TDRD5: variants seen among roughly 807,000 people sequenced by gnomAD.
The protein encoded by TDRD5 is tudor domain containing 5.
Under a neutral mutation model 120.6 loss-of-function variants are expected in TDRD5, and 41 were observed. The observed-to-expected ratio is 0.34, with a 90% CI of 0.26 to 0.44. The LOEUF is 0.44. Among genes scored for constraint, TDRD5 ranks in the 20% least tolerant of loss-of-function variants. TDRD5 has a pLI of 1.00. For synonymous variants in TDRD5, 430 were observed against 433.7 expected (o/e 0.99, Z 0.11); for missense variants, 1,006 against 1,221.2 (o/e 0.82, Z 2.63).
intron 16 of TDRD5, 120 bp from the exon 17 acceptor site, chr1:179,669,074 T>A: frequency 1.0e-6 from 1 of 1,001,896 alleles, no homozygotes; most frequent in Non-Finnish European, 1.4e-6. Flanking sequence ...AAGTGAGTAG[T>A]TTTATTTATT....
intron 13 of TDRD5, 67 bp downstream of exon 13, chr1:179,652,264 A>G: frequency 6.8e-7 from 1 of 1,464,444 alleles, no homozygotes; most frequent in South Asian, 1.4e-5. Context: ...TTTTAGATGA[A>G]GAAACCAAGG....
At chr1:179,650,372 G>A (rs955985848) in intron 11 of TDRD5, among the ~76,000 whole-genome samples, 1 of 134,996 alleles carries the variant, frequency 7.4e-6, no homozygotes, top group Admixed American at 8.5e-5. Flanking sequence ...TTGCACTCCA[G>A]CCTGGGCAAC....
intron 16 of TDRD5, among the ~76,000 whole-genome samples, chr1:179,666,634 T>G (rs1472862293): frequency 6.6e-6 from 1 of 152,188 alleles, no homozygotes; most frequent in African/African-American, 2.4e-5. Context: ...GCCGTTTTCT[T>G]ACTCCTTCCC....
intron 17 of TDRD5, among the ~76,000 whole-genome samples, chr1:179,672,231 A>G (rs141285967): frequency 6.6e-6 from 1 of 152,294 alleles, no homozygotes; most frequent in East Asian, 1.9e-4. Context: ...ATTCTTACCA[A>G]TAGCATAAAA....
intron 4 of TDRD5, among the ~76,000 whole-genome samples, chr1:179,598,068 A>G (rs1558368427): frequency 6.6e-6 from 1 of 152,212 alleles, no homozygotes; most frequent in Non-Finnish European, 1.5e-5. Context: ...TATATAGCCT[A>G]CTACACACCT....
intron 14 of TDRD5, among the ~76,000 whole-genome samples, chr1:179,658,376 A>C (rs1679115568): frequency 6.6e-6 from 1 of 152,186 alleles, no homozygotes; most frequent in African/African-American, 2.4e-5. Context: ...TTACCTTATA[A>C]AACTATCTGG....
rs773719973 is a variant in TDRD5, at chr1:179,635,839, A to G, written c.1472A>G (p.Tyr491Cys). 2 of 1,613,878 alleles carry G rather than the reference A, an allele frequency of 1.2e-6. No homozygotes were observed. The highest frequency in any genetic ancestry group is 1.7e-6 in the Non-Finnish European group (2 of 1,180,000). The change falls in exon 9 of 18, where the codon TAT becomes TGT. Residue 491 changes from tyrosine (Y) to cysteine (C), a missense_variant. By Grantham distance (194) the Tyr-to-Cys change is radical. This residue lies in a region of TDRD5 where 158 missense variants were observed against 257.5 expected (regional missense o/e 0.61). Coordinates refer to ENST00000444136, the MANE Select transcript of TDRD5 (RefSeq NM_001199085.3). ...ISPSQFYIRI[Y>C]SRDSSELLED... The stretch of plus-strand genomic sequence containing the variant: ...CCTAGTCAATTCTACATCCGGATCT[A>G]TAGCAGGGATTCGTCAGAGTTACTC...
chr1:179,592,687 T>C lies in TDRD5; in HGVS notation c.72T>C (p.Asp24=). ...GGTCACTTCTCATTTCCACCAAAGA[T>C]GGTTTGAGCCCACAGGAGTTGGAGA... The part of the protein sequence containing the change: ...EIRSLLISTK[D]GLSPQELEKE... The change falls in exon 2 of 18, where the codon GAT becomes GAC. Residue 24 remains aspartate (D), a synonymous_variant. Transcript: ENST00000444136. 6.2e-7 allele frequency: 1 copy of C among 1,614,064 alleles called. No individual in the cohort carries two copies.
At chr1:179,673,664 T>C (rs907424495) in intron 17 of TDRD5, among the ~76,000 whole-genome samples, 1 of 152,136 alleles carries the variant, frequency 6.6e-6, no homozygotes, top group Admixed American at 6.6e-5. Context: ...TTACATTCTT[T>C]TGAGTTTCTG....
At chr1:179,650,246 C>T (rs560671684) in intron 11 of TDRD5, among the ~76,000 whole-genome samples, 2 of 151,864 alleles carry the variant, frequency 1.3e-5, no homozygotes, top group Admixed American at 6.6e-5. Context: ...ACTAAAAATA[C>T]AGAAATCAGC....
chr1:179,592,880 T>C lies in TDRD5; in HGVS notation c.232+33T>C, dbSNP rs1558363711. 8 of 1,587,172 alleles carry C rather than the reference T, an allele frequency of 5.0e-6. No homozygotes were observed. In the Admixed American group the frequency reaches 6.7e-5, roughly 13 times the overall value. ...TAAGATTTTTGAAGGTCTATAAACT[T>C]TGTAATAAAAACAATTGCTTAGTAA... On this transcript the variant is annotated intron_variant, in intron 2 of 17. Transcript: ENST00000444136.
chr1:179,595,106 G>T (rs991249402), intron 3 of TDRD5, among the ~76,000 whole-genome samples: 1 of 152,022 alleles, frequency 6.6e-6, no homozygotes, highest in Non-Finnish European at 1.5e-5. Flanking sequence ...GAGCTAGGCT[G>T]TGGTGAAGTC....
chr1:179,645,331 C>T (rs989550927), intron 11 of TDRD5, among the ~76,000 whole-genome samples: 10 of 151,762 alleles, frequency 6.6e-5, no homozygotes, highest in South Asian at 2.1e-4. Flanking sequence ...GTGATCCGCC[C>T]GCCTCGGCCT....
chr1:179,645,279 G>A (rs1320608346), intron 11 of TDRD5, among the ~76,000 whole-genome samples: 3 of 150,922 alleles, frequency 2.0e-5, no homozygotes, highest in Non-Finnish European at 4.4e-5. Context: ...TAGAGACGGG[G>A]TTTCACCGTT....
At chr1:179,659,667 G>A (rs901606223) in intron 14 of TDRD5, among the ~76,000 whole-genome samples, 61 of 151,054 alleles carry the variant, frequency 4.0e-4, no homozygotes, top group Admixed American at 4.0e-3. Flanking sequence ...AGTTTCTTGA[G>A]ACAGCATATA....
chr1:179,623,100 A>G (rs190034502), intron 6 of TDRD5, among the ~76,000 whole-genome samples: 2 of 152,224 alleles, frequency 1.3e-5, no homozygotes, highest in Non-Finnish European at 2.9e-5. Context: ...TAATGTACTC[A>G]AAAGAAAAGT....
chr1:179,635,738 G>A lies in TDRD5; in HGVS notation c.1371G>A (p.Pro457=), dbSNP rs184128732. ...ANHDIPPDAV[P]NKKLCRLPPL... Reference sequence around the variant, plus strand: ...ATGACATCCCGCCAGACGCTGTGCCGAACAAGAAATTATGCAGACTCCCAC... The same window carrying A: ...ATGACATCCCGCCAGACGCTGTGCCAAACAAGAAATTATGCAGACTCCCAC... Residue 457 remains proline (P), a synonymous_variant, in exon 9 of 18, where the codon CCG becomes CCA. Transcript: ENST00000444136. 192 of 1,613,900 alleles carry A rather than the reference G, an allele frequency of 1.2e-4. 1 individual carries two copies. Among genetic ancestry groups the A allele is most frequent in the Non-Finnish European group, 1.4e-4 (164 of 1,179,978 alleles).
chr1:179,635,855 A>G lies in TDRD5; in HGVS notation c.1488A>G (p.Ser496=), dbSNP rs200365725. The G allele has an allele frequency of 4.9e-4, 794 of 1,613,784 alleles. No individual in the cohort carries two copies. The highest frequency in any genetic ancestry group is 2.1e-3 in the Middle Eastern group (13 of 6,056). ...TCCGGATCTATAGCAGGGATTCGTC[A>G]GAGTTACTCGAAGACATGATGATTG... ...FYIRIYSRDS[S]ELLEDMMIEM... The change falls in exon 9 of 18, where the codon TCA becomes TCG. Residue 496 remains serine, a synonymous_variant. Transcript: ENST00000444136.
Position 179,621,035 on chromosome 1 carries a change from G to A in TDRD5, c.916G>A (p.Val306Ile), listed in dbSNP as rs1176986225. Residue 306 changes from valine (V) to isoleucine (I), a missense_variant and splice_region_variant, in exon 6 of 18, where the codon GTT becomes ATT. Val to Ile is a conservative substitution (Grantham distance 29). Transcript: ENST00000444136. ...TTGTATTTCACTTTCTATTTGTTAGGTTGTATCTAAGTTCCCAGAGGGTTT... is the reference window on the plus strand; with the variant it reads ...TTGTATTTCACTTTCTATTTGTTAGATTGTATCTAAGTTCCCAGAGGGTTT... ...SSELKHKIKF[V>I]VSKFPEGLFI... is the part of the protein sequence containing the mutation. 1.3e-6 allele frequency: 2 copies of A among 1,598,468 alleles called. No homozygotes were observed. The highest frequency in any genetic ancestry group is 2.3e-5 in the East Asian group (1 of 43,582).
Sources: gnomAD v4.1 joint callset for allele counts (sites outside exome capture counted in the v4.1 genomes callset) on GRCh38, gnomAD v4.1.1 for gene constraint, gnomAD v4.1.1 regional missense constraint, MANE v1.5 for transcripts, NCBI Gene and HGNC (gene_info 2026-07-23, HGNC 2026-07-21) for gene names.